PTK2: variants seen among roughly 807,000 people sequenced by gnomAD.
PTK2 encodes the protein protein tyrosine kinase 2, also known as focal adhesion kinase 1.
A neutral mutation model predicts 150.1 loss-of-function variants in PTK2; 45 were observed. The ratio of observed to expected loss-of-function variants is 0.30; its 90% CI spans 0.24 to 0.38. PTK2 has a LOEUF of 0.38. Ranked by LOEUF, PTK2 falls within the 10% of genes least tolerant of loss-of-function variation. PTK2 has a pLI of 1.00. For missense variants in PTK2, 919 were observed against 1,307.3 expected (o/e 0.70, Z 4.58); for synonymous variants, 432 against 449.2 (o/e 0.96, Z 0.48).
At chr8:140,670,485 AACAACACACACACACACACACACACAC>A (rs1563983884) in intron 29 of PTK2, among the ~76,000 whole-genome samples, 52 of 36,968 alleles carry the variant, frequency 1.4e-3, no homozygotes, top group Admixed American at 2.4e-3. Flanking sequence ...AAAAAAAAAC[AACAACACACACACACACACACACACAC>A]ACACACACAC....
At chr8:140,773,606 A>T (rs1339909903) in intron 14 of PTK2, among the ~76,000 whole-genome samples, 1 of 152,088 alleles carries the variant, frequency 6.6e-6, no homozygotes, top group Non-Finnish European at 1.5e-5. Context: ...CGTGCTGAGG[A>T]GCAGCAGGGA....
At chr8:140,786,511 T>C (rs185118482) in intron 14 of PTK2, among the ~76,000 whole-genome samples, 1 of 152,316 alleles carries the variant, frequency 6.6e-6, no homozygotes, top group African/African-American at 2.4e-5. Context: ...TACTGGTTCC[T>C]GGCCAGCTAG....
At chr8:140,944,952 A>G (rs2100177171) in intron 1 of PTK2, among the ~76,000 whole-genome samples, 1 of 152,140 alleles carries the variant, frequency 6.6e-6, no homozygotes, top group African/African-American at 2.4e-5. Flanking sequence ...TTCTCTATAT[A>G]GCTACGCCAT....
intron 3 of PTK2, among the ~76,000 whole-genome samples, chr8:140,886,785 A>C (rs2154607264): frequency 6.6e-6 from 1 of 152,330 alleles, no homozygotes; most frequent in Admixed American, 6.5e-5. Flanking sequence ...CTTTGAAGAT[A>C]CTGTTCCAAT....
chr8:140,798,170 C>T (rs544204327), intron 12 of PTK2, among the ~76,000 whole-genome samples: 12 of 152,094 alleles, frequency 7.9e-5, no homozygotes, highest in Admixed American at 5.9e-4. Flanking sequence ...TCCAGGAAAA[C>T]GGTACATTAG....
In PTK2 at chr8:140,839,026, A is replaced by C. The variant is rs182134851; in HGVS notation, c.593+7234T>G. 6.4e-4 allele frequency among the ~76,000 whole-genome samples: 98 copies of C among 152,042 alleles called. No individual in the cohort carries two copies. The East Asian group carries it at 0.017, about 26-fold the overall frequency. ...TCTCAAAAAAAAAAACAAAAAAAAA[A>C]CTTATAAGTAAAAGTAAAAGGGAAA... On this transcript the variant is annotated intron_variant, in intron 7 of 31. Transcript: ENST00000522684.
chr8:140,839,375 T>C (rs544557419), intron 7 of PTK2, among the ~76,000 whole-genome samples: 27 of 152,304 alleles, frequency 1.8e-4, no homozygotes, highest in African/African-American at 5.3e-4. Context: ...CCAAGCCACT[T>C]TGGTGGCCTG....
intron 24 of PTK2, 93 bp downstream of exon 27, chr8:140,706,026 G>T: frequency 9.8e-7 from 1 of 1,022,492 alleles, no homozygotes; most frequent in Non-Finnish European, 1.5e-6. Flanking sequence ...ATACTCATAA[G>T]TACATAAATA....
chr8:140,845,594 T>C (rs1006456522), intron 7 of PTK2, among the ~76,000 whole-genome samples: 1 of 152,228 alleles, frequency 6.6e-6, no homozygotes, highest in East Asian at 1.9e-4. Context: ...TAGCACATTA[T>C]GTTATAATTT....
intron 19 of PTK2, among the ~76,000 whole-genome samples, chr8:140,744,317 G>A (rs1212098004): frequency 6.6e-6 from 1 of 152,134 alleles, no homozygotes; most frequent in African/African-American, 2.4e-5. Context: ...TCACTGCTCT[G>A]CTGCCAAGTA....
At chr8:140,838,778 G>A (rs371051700) in intron 7 of PTK2, among the ~76,000 whole-genome samples, 1 of 152,104 alleles carries the variant, frequency 6.6e-6, no homozygotes, top group African/African-American at 2.4e-5. Context: ...AGGCCGAGGC[G>A]GGCGGATCAC....
At chr8:140,958,520 TG>T (rs1325118281) in intron 1 of PTK2, among the ~76,000 whole-genome samples, 2 of 152,236 alleles carry the variant, frequency 1.3e-5, no homozygotes, top group African/African-American at 4.8e-5. Context: ...GGTTGCTTTT[TG>T]TGTCCAGAGA....
intron 31 of PTK2, chr8:140,662,708 C>T (rs886865754): frequency 1.7e-6 from 1 of 596,076 alleles, no homozygotes; most frequent in Non-Finnish European, 3.2e-6. Context: ...TCCAGTTGGT[C>T]AACTGGAACA....
chr8:140,945,669 C>T (rs1165805170), intron 1 of PTK2, among the ~76,000 whole-genome samples: 4 of 151,906 alleles, frequency 2.6e-5, no homozygotes, highest in Non-Finnish European at 5.9e-5. Context: ...TTTTTTAAAG[C>T]TCCTCAGGGC....
At chr8:140,699,096 A>G (rs2100028653) in intron 26 of PTK2, among the ~76,000 whole-genome samples, 1 of 151,620 alleles carries the variant, frequency 6.6e-6, no homozygotes, top group African/African-American at 2.4e-5. Context: ...TTTTTTTCCC[A>G]TCTGCCTTAC....
intron 1 of PTK2, among the ~76,000 whole-genome samples, chr8:140,979,853 T>C (rs2100190742): frequency 6.6e-6 from 1 of 152,232 alleles, no homozygotes; most frequent in Non-Finnish European, 1.5e-5. Context: ...CCTCCTACCA[T>C]GATTGTGGGG....
At chr8:140,746,835 A>C (rs768063238) in exon 18 of PTK2, 1 of 1,611,902 alleles carries the variant, frequency 6.2e-7, no homozygotes, top group African/African-American at 1.3e-5. Flanking sequence ...TCACAATATG[A>C]GGATGGTCAA....
At chr8:140,934,006 T>A (rs1037080811) in intron 1 of PTK2, among the ~76,000 whole-genome samples, 20 of 142,642 alleles carry the variant, frequency 1.4e-4, no homozygotes, top group Non-Finnish European at 1.6e-5. Context: ...CAAAAAAAAA[T>A]ACCTTTAACA....
chr8:140,675,594 T>G lies in PTK2; in HGVS notation c.2563-95A>C. On this transcript the variant is annotated intron_variant, in intron 27 of 31. Coordinates refer to ENST00000522684, the Ensembl canonical transcript of PTK2. ...CTGTCTATCCACCCCCTTGAACTTC[T>G]AGGCTAGATTCTAGTGTATCAAAAT... The G allele has an allele frequency of 6.6e-6, 6 of 914,388 alleles. No individual in the cohort carries two copies. In the Middle Eastern group the frequency reaches 1.3e-3, roughly 199 times the overall value. 56.6% of individuals were successfully genotyped at this position (914,388 alleles called of 1,614,324 possible).
Sources: allele counts gnomAD v4.1 joint callset (sites outside exome capture counted in the v4.1 genomes callset), GRCh38; gene constraint gnomAD v4.1.1; transcripts MANE v1.5; gene names NCBI Gene and HGNC (gene_info 2026-07-23, HGNC 2026-07-21).